The following NUBPL variants were observed in gnomAD, a reference collection of about 807,000 sequenced individuals.
NUBPL encodes the protein NUBP iron-sulfur cluster assembly factor, mitochondrial, also known as iron-sulfur cluster transfer protein NUBPL.
A neutral mutation model predicts 45.7 loss-of-function variants in NUBPL; 31 were observed. The ratio of observed to expected loss-of-function variants is 0.68; its 90% confidence interval spans 0.51 to 0.92. The LOEUF is 0.92. NUBPL is among the 40% of genes least tolerant of loss of function. The pLI is 0.00. For synonymous variants in NUBPL, 144 were observed against 140.9 expected (o/e 1.02, Z -0.15); for missense variants, 401 against 398.7 (o/e 1.01, Z -0.05).
intron 6 of NUBPL, among the ~76,000 whole-genome samples, chr14:31,781,625 T>G (rs1262473413): frequency 6.6e-6 from 1 of 152,340 alleles, no homozygotes; most frequent in East Asian, 1.9e-4. Flanking sequence ...CTTAAGACAC[T>G]CTTGTTATTT....
intron 4 of NUBPL, among the ~76,000 whole-genome samples, chr14:31,618,195 A>G (rs1048027079): frequency 6.6e-6 from 1 of 151,910 alleles, no homozygotes; most frequent in Non-Finnish European, 1.5e-5. Flanking sequence ...CTAGCAGTCT[A>G]TCTAGTTTGT....
chr14:31,665,964 C>A (rs1280351338), intron 4 of NUBPL, among the ~76,000 whole-genome samples: 1 of 151,814 alleles, frequency 6.6e-6, no homozygotes, highest in Non-Finnish European at 1.5e-5. Flanking sequence ...TGCATTGATC[C>A]ATTTACTATT....
At chr14:31,667,420 C>A (rs1484898012) in intron 4 of NUBPL, among the ~76,000 whole-genome samples, 1 of 152,014 alleles carries the variant, frequency 6.6e-6, no homozygotes, top group Non-Finnish European at 1.5e-5. Flanking sequence ...ATCTTCTTCT[C>A]TAAACTGGTT....
At position 31,780,811 on chromosome 14, in the gene NUBPL, G is replaced by A. The variant is rs538845043; in HGVS notation, c.514-6969G>A. Among the ~76,000 whole-genome samples the A allele has an allele frequency of 7.2e-5, 11 of 152,286 alleles. No homozygotes were observed. The East Asian group carries it at 1.9e-3, about 27-fold the overall frequency. ...ACAAAGAAATCTAGGTATTTCGGTA[G>A]CATATAACTAATTTCACATCATGAC... is the stretch of plus-strand genomic sequence containing the variant. On this transcript the variant is annotated intron_variant, in intron 6 of 10. Coordinates refer to ENST00000281081, the MANE Select transcript of NUBPL (RefSeq NM_025152.3).
chr14:31,641,766 A>T (rs556668842), intron 4 of NUBPL, among the ~76,000 whole-genome samples: 1 of 152,230 alleles, frequency 6.6e-6, no homozygotes, highest in East Asian at 1.9e-4. Context: ...ACTAGTTTCC[A>T]TAGTGGCTGT....
chr14:31,583,391 C>T (rs1239604358), intron 3 of NUBPL, among the ~76,000 whole-genome samples: 1 of 152,058 alleles, frequency 6.6e-6, no homozygotes, highest in African/African-American at 2.4e-5. Context: ...TTATTAACTA[C>T]CTGCTATATA....
Position 31,833,370 on chromosome 14 carries a change from CA to C in NUBPL, c.693+6668del, listed in dbSNP as rs540768372. Among the ~76,000 whole-genome samples, 729 of 139,720 alleles carry C rather than the reference CA, an allele frequency of 5.2e-3. 3 individuals are homozygous for C. Among genetic ancestry groups the C allele is most frequent in the African/African-American group, 0.017 (635 of 38,206 alleles). The allele number at this position is 139,720 out of a possible 152,430, so 91.7% of individuals were successfully genotyped here. On this transcript the variant is annotated intron_variant, in intron 8 of 10. Transcript: ENST00000281081. Reference sequence around the variant, plus strand: ...AGTGTTATAGAGTGAGACCTTGTCTCAAAAAAAAAAAATTAATTAGAATTTT... The same window carrying C: ...AGTGTTATAGAGTGAGACCTTGTCTCAAAAAAAAAAATTAATTAGAATTTT...
chr14:31,612,960 G>C (rs2034799862), intron 4 of NUBPL, among the ~76,000 whole-genome samples: 1 of 152,116 alleles, frequency 6.6e-6, no homozygotes, highest in African/African-American at 2.4e-5. Flanking sequence ...CCAAAAGGAA[G>C]GAAATCAGTA....
chr14:31,678,170 T>G (rs1237812416), intron 6 of NUBPL, among the ~76,000 whole-genome samples: 1 of 152,044 alleles, frequency 6.6e-6, no homozygotes, highest in South Asian at 2.1e-4. Flanking sequence ...GTGGTGAAGG[T>G]TGTCAGGCCT....
At chr14:31,585,694 C>T (rs1340475377) in intron 3 of NUBPL, among the ~76,000 whole-genome samples, 2 of 152,106 alleles carry the variant, frequency 1.3e-5, no homozygotes, top group African/African-American at 2.4e-5. Flanking sequence ...TCTCTATATC[C>T]TCACCAATAC....
intron 4 of NUBPL, among the ~76,000 whole-genome samples, chr14:31,614,824 G>A (rs909069644): frequency 6.6e-6 from 1 of 152,208 alleles, no homozygotes; most frequent in East Asian, 1.9e-4. Context: ...ATAAGCATCA[G>A]TACATGCTGT....
chr14:31,595,751 G>A (rs1438337642), intron 3 of NUBPL, among the ~76,000 whole-genome samples: 1 of 152,050 alleles, frequency 6.6e-6, no homozygotes, highest in African/African-American at 2.4e-5. Context: ...AGTTTATTTG[G>A]CACCTTTTGA....
intron 4 of NUBPL, among the ~76,000 whole-genome samples, chr14:31,621,475 G>C (rs1389776853): frequency 6.6e-6 from 1 of 152,220 alleles, no homozygotes; most frequent in African/African-American, 2.4e-5. Context: ...GAAATGTGCA[G>C]TATTTGGGCT....
intron 3 of NUBPL, among the ~76,000 whole-genome samples, chr14:31,566,483 T>A (rs2033437777): frequency 6.6e-6 from 1 of 152,114 alleles, no homozygotes; most frequent in Non-Finnish European, 1.5e-5. Context: ...TTGCTTCCTT[T>A]TATGGGGGAC....
At chr14:31,611,090 C>G (rs534280290) in intron 4 of NUBPL, among the ~76,000 whole-genome samples, 1 of 152,022 alleles carries the variant, frequency 6.6e-6, no homozygotes, top group Non-Finnish European at 1.5e-5. Context: ...AGCAATCAGA[C>G]AAGAGAATGA....
chr14:31,765,336 G>C (rs538874100), intron 6 of NUBPL, among the ~76,000 whole-genome samples: 11 of 152,284 alleles, frequency 7.2e-5, no homozygotes, highest in African/African-American at 2.6e-4. Context: ...TACACATTCA[G>C]ATCATTTTGT....
intron 8 of NUBPL, among the ~76,000 whole-genome samples, chr14:31,828,906 G>A (rs192587195): frequency 6.6e-5 from 10 of 152,332 alleles, no homozygotes; most frequent in African/African-American, 2.4e-4. Context: ...GTCCAGGTTA[G>A]GCTATTGTTA....
At chr14:31,707,326 G>T (rs2037475122) in intron 6 of NUBPL, among the ~76,000 whole-genome samples, 1 of 152,242 alleles carries the variant, frequency 6.6e-6, no homozygotes, top group African/African-American at 2.4e-5. Context: ...ATTATCAATT[G>T]TGGGTTTTAA....
chr14:31,684,423 T>C (rs991676413), intron 6 of NUBPL, among the ~76,000 whole-genome samples: 7 of 152,220 alleles, frequency 4.6e-5, no homozygotes, highest in African/African-American at 1.7e-4. Context: ...AGAAAGGTTT[T>C]GTATCGTTTT....
Sources: allele counts gnomAD v4.1 joint callset (sites outside exome capture counted in the v4.1 genomes callset), GRCh38; gene constraint gnomAD v4.1.1; transcripts MANE v1.5; gene names NCBI Gene and HGNC (gene_info 2026-07-23, HGNC 2026-07-21).